The following FRYL variants were observed in gnomAD, a reference collection of about 807,000 sequenced individuals.
The protein encoded by FRYL is protein furry homolog-like.
Under a neutral mutation model 351.2 loss-of-function variants are expected in FRYL, and 150 were observed. The observed-to-expected ratio is 0.43, with a 90% confidence interval of 0.37 to 0.49. The LOEUF (loss-of-function observed/expected upper bound fraction) is 0.49. Ranked by LOEUF, FRYL falls within the 20% of genes least tolerant of loss-of-function variation. The pLI, the probability that FRYL is intolerant of heterozygous loss-of-function variation, is 0.00. For synonymous variants in FRYL, 1,153 were observed against 1,257.1 expected (o/e 0.92, Z 1.75); for missense variants, 3,036 against 3,619.3 (o/e 0.84, Z 4.13).
intron 1 of FRYL, among the ~76,000 whole-genome samples, chr4:48,711,636 G>C (rs548264085): frequency 6.6e-5 from 10 of 152,390 alleles, no homozygotes; most frequent in African/African-American, 1.4e-4. Context: ...TCTGGGGGCA[G>C]GGCACAGACA....
At chr4:48,557,274 C>A (rs1734330843) in intron 34 of FRYL, among the ~76,000 whole-genome samples, 156 bp from the exon 35 acceptor site, 1 of 151,738 alleles carries the variant, frequency 6.6e-6, no homozygotes, top group South Asian at 2.1e-4. Flanking sequence ...CAAATCTAAA[C>A]ATAAATATAA....
At chr4:48,512,760 A>G in intron 56 of FRYL, 72 bp from the exon 57 acceptor site, 1 of 1,079,474 alleles carries the variant, frequency 9.3e-7, no homozygotes, top group Non-Finnish European at 1.4e-6. Context: ...CACGTAAGAC[A>G]GCTTAAGTCA....
intron 7 of FRYL, chr4:48,618,237 TTC>T (rs1317305177): frequency 7.2e-5 from 11 of 152,366 alleles, no homozygotes; most frequent in African/African-American, 2.6e-4. Context: ...TAATTAACTC[TTC>T]TGTTTTACAT....
rs138560426 is a variant in FRYL at position 48,497,396 on chromosome 4, G to A, written c.*2026C>T. The stretch of plus-strand genomic sequence containing the variant: ...TATATTCATTTTTATTATATTAATA[G>A]ACTTAGTTACATATAAATAAACACA... On this transcript the variant is annotated 3_prime_UTR_variant, in exon 64 of 64. Coordinates refer to ENST00000358350, the MANE Select transcript of FRYL (RefSeq NM_015030.2). 2 of 152,530 alleles carry A rather than the reference G, an allele frequency of 1.3e-5. No individual in the cohort carries two copies. Among genetic ancestry groups the A allele is most frequent in the East Asian group, 3.8e-4 (2 of 5,196 alleles). The allele number at this position is 152,530 out of a possible 1,614,324, so 9.4% of individuals were successfully genotyped here. A position where few individuals can be genotyped will look rare whatever the true frequency, so the allele number is the denominator to read the frequency against.
intron 1 of FRYL, among the ~76,000 whole-genome samples, chr4:48,736,053 T>C (rs1269657964): frequency 6.9e-6 from 1 of 145,754 alleles, no homozygotes; most frequent in Non-Finnish European, 1.5e-5. Flanking sequence ...TAAAAATCAA[T>C]AACAGAGAGA....
chr4:48,533,637 G>A (rs1728191965), intron 49 of FRYL, among the ~76,000 whole-genome samples: 1 of 152,144 alleles, frequency 6.6e-6, no homozygotes, highest in African/African-American at 2.4e-5. Context: ...GTTCTCTTTG[G>A]TGAGTTGTAT....
At chr4:48,708,830 G>T (rs1767676696) in intron 2 of FRYL, among the ~76,000 whole-genome samples, 1 of 151,864 alleles carries the variant, frequency 6.6e-6, no homozygotes, top group African/African-American at 2.4e-5. Flanking sequence ...TTGGCCTCAG[G>T]TCATCCTCCC....
intron 5 of FRYL, 108 bp from the exon 6 acceptor site, chr4:48,620,886 C>G (rs956843766): frequency 1.0e-6 from 1 of 956,160 alleles, no homozygotes; most frequent in Admixed American, 2.6e-5. Context: ...TAACTCAATG[C>G]AATAAATGTG....
chr4:48,675,376 C>A (rs567947511), intron 3 of FRYL, among the ~76,000 whole-genome samples: 1 of 152,202 alleles, frequency 6.6e-6, no homozygotes, highest in Non-Finnish European at 1.5e-5. Flanking sequence ...CTGCCTGCGG[C>A]GCTTGCGGGC....
At chr4:48,586,562 T>C in intron 19 of FRYL, 59 bp downstream of exon 19, 2 of 1,105,446 alleles carry the variant, frequency 1.8e-6, no homozygotes, top group South Asian at 1.3e-5. Context: ...AAAGGTATAT[T>C]AGAAATATAA....
In FRYL at chr4:48,515,089, C is replaced by G; in HGVS notation, c.7876G>C (p.Ala2626Pro). 2 of 1,613,918 alleles carry G rather than the reference C, an allele frequency of 1.2e-6. No individual in the cohort carries two copies. Among genetic ancestry groups the G allele is most frequent in the African/African-American group, 1.3e-5 (1 of 75,036 alleles). The change falls in exon 56 of 64, where the codon GCT becomes CCT. Residue 2626 changes from alanine (A) to proline (P), a missense_variant. Around this residue, in one of 7 missense-constraint regions of FRYL, gnomAD observed 1,987 missense variants for 2,311.7 expected, o/e 0.86. Transcript: ENST00000358350. Reference protein sequence around the residue: ...ESVCEEDVTLALKELDERCEE... With the variant: ...ESVCEEDVTLPLKELDERCEE... ...CATCTTTCATCTAGCTCTTTCAGAG[C>G]TAAGGTAACATCCTCTTCACAGACT...
At chr4:48,561,737 G>T in intron 32 of FRYL, 101 bp from the exon 33 acceptor site, 1 of 876,242 alleles carries the variant, frequency 1.1e-6, no homozygotes, top group Non-Finnish European at 1.7e-6. Flanking sequence ...CTCCCCAGCT[G>T]AGTGGAGTGG....
chr4:48,629,849 G>A (rs1752607242), intron 4 of FRYL, among the ~76,000 whole-genome samples: 4 of 152,164 alleles, frequency 2.6e-5, no homozygotes, highest in Admixed American at 2.0e-4. Context: ...AAATAAGAGG[G>A]CTGATTGAAA....
intron 1 of FRYL, among the ~76,000 whole-genome samples, chr4:48,759,133 T>C (rs1467917085): frequency 3.3e-5 from 5 of 151,936 alleles, no homozygotes; most frequent in Non-Finnish European, 5.9e-5. Context: ...CTAATGTAAA[T>C]GACGAGTTAA....
chr4:48,741,623 G>A (rs1422157823), intron 1 of FRYL, among the ~76,000 whole-genome samples: 1 of 152,150 alleles, frequency 6.6e-6, no homozygotes, highest in Non-Finnish European at 1.5e-5. Flanking sequence ...CTGAGCCTAG[G>A]AGGTGGAGGT....
chr4:48,664,700 A>C (rs1478984541), intron 3 of FRYL, among the ~76,000 whole-genome samples: 8 of 152,332 alleles, frequency 5.3e-5, no homozygotes, highest in Middle Eastern at 3.4e-3. Context: ...TTGTTTATTT[A>C]TGAAGGGGAA....
At chr4:48,613,359 C>T (rs1188693851) in intron 7 of FRYL, among the ~76,000 whole-genome samples, 1 of 152,056 alleles carries the variant, frequency 6.6e-6, no homozygotes, top group African/African-American at 2.4e-5. Context: ...TTGATATTAT[C>T]CATAATATCA....
intron 3 of FRYL, among the ~76,000 whole-genome samples, chr4:48,675,424 C>T (rs1413165856): frequency 6.6e-6 from 1 of 152,218 alleles, no homozygotes; most frequent in Non-Finnish European, 1.5e-5. Flanking sequence ...TTGCCAGGCC[C>T]GGCACTCGGA....
intron 1 of FRYL, among the ~76,000 whole-genome samples, chr4:48,724,499 C>G (rs1172822107): frequency 6.6e-6 from 1 of 152,130 alleles, no homozygotes; most frequent in Non-Finnish European, 1.5e-5. Context: ...AACTTAATTT[C>G]TCATCATAGA....
Sources: allele counts gnomAD v4.1 joint callset (sites outside exome capture counted in the v4.1 genomes callset), GRCh38; gene constraint gnomAD v4.1.1; regional missense constraint gnomAD v4.1.1; transcripts MANE v1.5; gene names NCBI Gene and HGNC (gene_info 2026-07-23, HGNC 2026-07-21).